VPS26C: variants seen among roughly 807,000 people sequenced by gnomAD.
VPS26C encodes VPS26 endosomal protein sorting factor C.
A neutral mutation model predicts 30.6 loss-of-function variants in VPS26C; 19 were observed. The ratio of observed to expected loss-of-function variants is 0.62; its 90% CI spans 0.43 to 0.91. VPS26C has a LOEUF of 0.91. Ranked by LOEUF, VPS26C falls within the 40% of genes least tolerant of loss-of-function variation. VPS26C has a pLI of 0.00. For synonymous variants in VPS26C, 132 were observed against 151.5 expected (o/e 0.87, Z 0.95); for missense variants, 318 against 385.1 (o/e 0.83, Z 1.46).
In VPS26C at chr21:37,257,923, C is replaced by A. The variant is rs1244287847; in HGVS notation, c.57+9315G>T. Among the ~76,000 whole-genome samples the A allele has an allele frequency of 1.3e-5, 2 of 152,192 alleles. No individual in the cohort carries two copies. Among genetic ancestry groups the A allele is most frequent in the Non-Finnish European group, 2.9e-5 (2 of 68,024 alleles). On this transcript the variant is annotated intron_variant, in intron 1 of 7. Transcript: ENST00000309117. This position sits in a 1 kb window ranked among gnomAD's most constrained non-coding sequence, Gnocchi z 4.2. The stretch of plus-strand genomic sequence containing the variant: ...GGCCACGAGGCAGGGGACAGTGAAG[C>A]ACCATGCAGCGCCCACCAGCCGGCA...
intron 7 of VPS26C, chr21:37,227,317 G>A: frequency 3.9e-6 from 1 of 257,400 alleles, no homozygotes; most frequent in Non-Finnish European, 7.5e-6. Context: ...TGTCTACACG[G>A]AGCTCAGCGT....
chr21:37,259,914 C>T (rs915053739), intron 1 of VPS26C, among the ~76,000 whole-genome samples: 6 of 152,154 alleles, frequency 3.9e-5, no homozygotes, highest in Non-Finnish European at 8.8e-5. Context: ...TGGAAAAGAA[C>T]ATGACAATGC....
At chr21:37,267,338 C>T (rs1408490041), upstream of VPS26C, 1 of 1,583,632 alleles carries the variant, frequency 6.3e-7, no homozygotes, top group Non-Finnish European at 8.7e-7. Context: ...TGCGCGTGAC[C>T]CCAGGGAAAC....
intron 1 of VPS26C, among the ~76,000 whole-genome samples, chr21:37,251,834 T>C (rs575929714): frequency 7.9e-5 from 12 of 152,252 alleles, no homozygotes; most frequent in Non-Finnish European, 1.6e-4. Context: ...GGAAAAGATC[T>C]GAAGATTGTG....
At chr21:37,234,984 AG>A (rs1391973239) in intron 3 of VPS26C, among the ~76,000 whole-genome samples, 5 of 3,694 alleles carry the variant, frequency 1.4e-3, no homozygotes, top group Admixed American at 0.013. Context: ...CTGGAATTAC[AG>A]GGGCCGCGCC....
chr21:37,229,405 G>C (rs1043595006), intron 5 of VPS26C: 1 of 152,178 alleles, frequency 6.6e-6, no homozygotes, highest in African/African-American at 2.4e-5. Flanking sequence ...GAATGGGCTT[G>C]GTCTAGACAG....
chr21:37,260,218 A>C (rs982460739), intron 1 of VPS26C, among the ~76,000 whole-genome samples: 2 of 152,268 alleles, frequency 1.3e-5, no homozygotes, highest in African/African-American at 4.8e-5. Context: ...ATGGAGGATT[A>C]AAGCACTCTG....
At chr21:37,241,887 G>C (rs1411770105) in intron 1 of VPS26C, among the ~76,000 whole-genome samples, 1 of 152,124 alleles carries the variant, frequency 6.6e-6, no homozygotes, top group Non-Finnish European at 1.5e-5. Context: ...CTGTCCTACT[G>C]GTGTTTAAAT....
rs376575700 is a variant in VPS26C at position 37,228,214 on chromosome 21, G to A, written c.658+9C>T. On this transcript the variant is annotated intron_variant, in intron 6 of 7. Transcript: ENST00000309117. ...AGGCAAGCGCCAGGCCTGGTGGCACGGCCCTCACCGCACGTCTCCACGCGC... is the reference window on the plus strand; with the variant it reads ...AGGCAAGCGCCAGGCCTGGTGGCACAGCCCTCACCGCACGTCTCCACGCGC... 2.9e-5 allele frequency: 46 copies of A among 1,608,900 alleles called. No individual in the cohort carries two copies. Among genetic ancestry groups the A allele is most frequent in the African/African-American group, 4.0e-5 (3 of 74,882 alleles).
At chr21:37,235,831 ATATG>A in intron 3 of VPS26C, among the ~76,000 whole-genome samples, 2 of 129,544 alleles carry the variant, frequency 1.5e-5, no homozygotes, top group Non-Finnish European at 3.2e-5. Flanking sequence ...ATATACATAT[ATATG>A]TGTGTATATG....
At chr21:37,241,819 C>G (rs1217029205) in intron 1 of VPS26C, among the ~76,000 whole-genome samples, 1 of 152,084 alleles carries the variant, frequency 6.6e-6, no homozygotes, top group Non-Finnish European at 1.5e-5. Flanking sequence ...AAAACCCTAT[C>G]TCAAAAATAA....
chr21:37,229,271 A>G (rs1436570079), intron 5 of VPS26C: 2 of 152,614 alleles, frequency 1.3e-5, no homozygotes, highest in African/African-American at 4.8e-5. Context: ...CACATAAAAT[A>G]TATTAACACT....
intron 7 of VPS26C, 163 bp downstream of exon 7, chr21:37,227,491 G>A (rs937990828): frequency 1.3e-6 from 1 of 761,906 alleles, no homozygotes. Flanking sequence ...GTTTTGTTGA[G>A]CAGCCGAAGG....
At chr21:37,255,850 C>CCTTTTTTT in intron 1 of VPS26C, among the ~76,000 whole-genome samples, 5 of 63,490 alleles carry the variant, frequency 7.9e-5, no homozygotes, top group East Asian at 7.7e-4. Context: ...CTATGCACTG[C>CCTTTTTTT]ATTTTTTTTT....
chr21:37,255,709 G>T (rs1341112123), intron 1 of VPS26C, among the ~76,000 whole-genome samples: 1 of 152,134 alleles, frequency 6.6e-6, no homozygotes, highest in Non-Finnish European at 1.5e-5. Flanking sequence ...TAGTCCAAGA[G>T]CCCCAGCTGA....
chr21:37,234,912 G>A (rs887968336), intron 3 of VPS26C, among the ~76,000 whole-genome samples: 4 of 151,822 alleles, frequency 2.6e-5, no homozygotes, highest in Middle Eastern at 3.2e-3. Flanking sequence ...GCGTGATCTC[G>A]GTTCACTGCA....
At chr21:37,242,994 A>G (rs3787797) in intron 1 of VPS26C, among the ~76,000 whole-genome samples, 84,672 of 152,010 alleles carry the variant, frequency 0.56, 23,876 homozygotes, top group East Asian at 0.73. Context: ...ACTCCTACCA[A>G]TGAAAGAAGG....
chr21:37,231,153 G>A (rs1393436815), intron 5 of VPS26C, among the ~76,000 whole-genome samples: 1 of 152,154 alleles, frequency 6.6e-6, no homozygotes, highest in Non-Finnish European at 1.5e-5. Flanking sequence ...ATCCTCATTT[G>A]TAAATGTAAA....
chr21:37,245,745 G>A (rs1253619620), intron 1 of VPS26C, among the ~76,000 whole-genome samples: 1 of 152,102 alleles, frequency 6.6e-6, no homozygotes, highest in Admixed American at 6.5e-5. Context: ...CCATCAAGCA[G>A]ATGAAAATGG....
Sources: allele counts gnomAD v4.1 joint callset (sites outside exome capture counted in the v4.1 genomes callset), GRCh38; gene constraint gnomAD v4.1.1; non-coding constraint Gnocchi (gnomAD v3.1); transcripts MANE v1.5; gene names NCBI Gene and HGNC (gene_info 2026-07-23, HGNC 2026-07-21).